PCBP3: variants seen among roughly 807,000 people sequenced by gnomAD.
The protein encoded by PCBP3 is poly(rC)-binding protein 3.
PCBP3 carries 25 observed loss-of-function variants against 52.7 expected under a neutral mutation model. The observed-to-expected ratio is 0.47, with a 90% confidence interval of 0.35 to 0.66. PCBP3 has a LOEUF of 0.66. Ranked by LOEUF, PCBP3 falls within the 30% of genes least tolerant of loss-of-function variation. The probability of loss-of-function intolerance (pLI) is 0.01; values close to 1 mark genes in which losing one functional copy is unlikely to be tolerated. For synonymous variants in PCBP3, 162 were observed against 183.0 expected (o/e 0.89, Z 0.93); for missense variants, 391 against 490.3 (o/e 0.80, Z 1.91).
At chr21:45,784,385 T>TCTACCTCTACCG (rs796425243) in intron 4 of PCBP3, among the ~76,000 whole-genome samples, 3 of 116,422 alleles carry the variant, frequency 2.6e-5, no homozygotes, top group East Asian at 2.5e-4. Flanking sequence ...TACCTCTACC[T>TCTACCTCTACCG]CTACCTCTAC....
chr21:45,863,992 A>G (rs1030898929), intron 5 of PCBP3, among the ~76,000 whole-genome samples: 8 of 152,204 alleles, frequency 5.3e-5, no homozygotes, highest in African/African-American at 1.9e-4. Context: ...CGGCTGTTCC[A>G]CTAACAGGGT....
At chr21:45,818,992 G>A (rs1199214082) in intron 4 of PCBP3, among the ~76,000 whole-genome samples, 1 of 152,250 alleles carries the variant, frequency 6.6e-6, no homozygotes, top group East Asian at 1.9e-4. Flanking sequence ...ATCAGTGGTT[G>A]CCAAGAGTTG....
chr21:45,909,255 T>C (rs1166113382), intron 9 of PCBP3, 100 bp from the exon 10 acceptor site: 1 of 1,288,590 alleles, frequency 7.8e-7, no homozygotes, highest in Non-Finnish European at 1.1e-6. Context: ...AGGGGCTCTG[T>C]GGGCTTCTGA....
Position 45,832,161 on chromosome 21 carries a change from G to T in PCBP3, c.-125-17800G>T, listed in dbSNP as rs184238817. ...CATGAGTGTTCTGGGAAAGGCATGC[G>T]CAATTCCTGGAGCTGAGGGGATTTT... is the stretch of plus-strand genomic sequence containing the variant. On this transcript the variant is annotated intron_variant, in intron 4 of 17. Transcript: ENST00000681687. Among the ~76,000 whole-genome samples, 335 of 152,276 alleles carry T rather than the reference G, an allele frequency of 2.2e-3. 1 individual carries two copies. Among genetic ancestry groups the T allele is most frequent in the Non-Finnish European group, 3.4e-3 (228 of 68,014 alleles).
At chr21:45,890,927 CTG>C (rs748154940) in intron 5 of PCBP3, among the ~76,000 whole-genome samples, 24 of 145,150 alleles carry the variant, frequency 1.7e-4, no homozygotes, top group Admixed American at 7.4e-4. Flanking sequence ...ACCTGGAACT[CTG>C]TGCACTCCTG....
At chr21:45,816,730 G>A (rs1240424845) in intron 4 of PCBP3, among the ~76,000 whole-genome samples, 1 of 146,600 alleles carries the variant, frequency 6.8e-6, no homozygotes, top group Non-Finnish European at 1.5e-5. Flanking sequence ...GACTGAGGCT[G>A]TTCTATGTTA....
At chr21:45,884,455 AAT>A (rs775687379) in intron 5 of PCBP3, among the ~76,000 whole-genome samples, 6 of 152,258 alleles carry the variant, frequency 3.9e-5, no homozygotes, top group Non-Finnish European at 7.4e-5. Flanking sequence ...TACACACACA[AAT>A]ATATATATGT....
In PCBP3 at chr21:45,839,836, G is replaced by A. The variant is rs577873508; in HGVS notation, c.-125-10125G>A. ...CGAGTAGCTGGGATTGCAGGCGCCC[G>A]CCACCACACCTGGCTAATTTTTGTA... On this transcript the variant is annotated intron_variant, in intron 4 of 17. Coordinates refer to ENST00000681687, the MANE Select transcript of PCBP3 (RefSeq NM_001384156.1). Among the ~76,000 whole-genome samples, 16 of 151,928 alleles carry A rather than the reference G, an allele frequency of 1.1e-4. No homozygotes were observed. In the South Asian group the frequency reaches 2.9e-3, roughly 28 times the overall value.
intron 2 of PCBP3, among the ~76,000 whole-genome samples, chr21:45,711,131 G>A (rs1200538406): frequency 6.6e-6 from 1 of 152,096 alleles, no homozygotes; most frequent in Admixed American, 6.6e-5. Flanking sequence ...TCCTTTTATT[G>A]GAGAATAATA....
At position 45,917,807 on chromosome 21, in the gene PCBP3, C is replaced by T. The variant is rs1019454721; in HGVS notation, c.717+178C>T. 7.6e-6 allele frequency: 5 copies of T among 657,544 alleles called. No homozygotes were observed. In the East Asian group the frequency reaches 1.4e-4, roughly 19 times the overall value. The allele number at this position is 657,544 out of a possible 1,614,324, so 40.7% of individuals were successfully genotyped here. ...CGAATAACCTTTTAACCTCTTAGCACTAATTCTGCTTGTGTTGAGGACTTG... is the reference window on the plus strand; with the variant it reads ...CGAATAACCTTTTAACCTCTTAGCATTAATTCTGCTTGTGTTGAGGACTTG... On this transcript the variant is annotated intron_variant, in intron 13 of 17. Coordinates refer to ENST00000681687, the MANE Select transcript of PCBP3 (RefSeq NM_001384156.1). This position sits in a 1 kb window ranked among gnomAD's most constrained non-coding sequence, Gnocchi z 5.3.
chr21:45,809,093 A>G (rs2092602529), intron 4 of PCBP3, among the ~76,000 whole-genome samples: 1 of 152,124 alleles, frequency 6.6e-6, no homozygotes, highest in Non-Finnish European at 1.5e-5. Flanking sequence ...AATGTAGATA[A>G]TGGGTTGATG....
intron 2 of PCBP3, among the ~76,000 whole-genome samples, chr21:45,712,550 T>G (rs1042944038): frequency 6.6e-6 from 1 of 152,212 alleles, no homozygotes; most frequent in East Asian, 1.9e-4. Context: ...CTCTTTCAAG[T>G]AAATTTTTAC....
chr21:45,709,403 T>G (rs1180832609), intron 2 of PCBP3, among the ~76,000 whole-genome samples: 3 of 152,214 alleles, frequency 2.0e-5, no homozygotes, highest in African/African-American at 7.2e-5. Flanking sequence ...GTACTTCCTG[T>G]AAACTTGGAC....
At chr21:45,912,184 C>T (rs2096409332) in intron 11 of PCBP3, among the ~76,000 whole-genome samples, 1 of 152,214 alleles carries the variant, frequency 6.6e-6, no homozygotes, top group South Asian at 2.1e-4. Context: ...GCCCATGCCC[C>T]CAGAGCCATC....
At chr21:45,721,113 T>A (rs973083709) in intron 2 of PCBP3, among the ~76,000 whole-genome samples, 10 of 152,168 alleles carry the variant, frequency 6.6e-5, no homozygotes, top group Non-Finnish European at 1.0e-4. Context: ...TTTTGCATGT[T>A]TAGAAAGTTG....
intron 4 of PCBP3, among the ~76,000 whole-genome samples, chr21:45,786,198 C>CA (rs113617029): frequency 0.013 from 1,876 of 140,548 alleles, 33 homozygotes; most frequent in African/African-American, 0.037. Flanking sequence ...TAAAAAGTTT[C>CA]AAAAAAAAAA....
At chr21:45,815,372 AGTGAGTGGTGAGTGAGTG>A (rs2092879588) in intron 4 of PCBP3, among the ~76,000 whole-genome samples, 1 of 18,440 alleles carries the variant, frequency 5.4e-5, no homozygotes, top group Non-Finnish European at 9.9e-5. Flanking sequence ...GTGAGTGATG[AGTGAGTGGTGAGTGAGTG>A]GTGAGTGGTG....
At chr21:45,896,116 G>A (rs1422354651) in intron 5 of PCBP3, 92 bp from the exon 6 acceptor site, 13 of 1,244,430 alleles carry the variant, frequency 1.0e-5, no homozygotes, top group Middle Eastern at 2.7e-4. Flanking sequence ...CCTGCCACCC[G>A]GGAGGCCGGA....
intron 2 of PCBP3, among the ~76,000 whole-genome samples, chr21:45,689,190 A>C (rs531378329): frequency 2.7e-4 from 41 of 152,270 alleles, no homozygotes; most frequent in Admixed American, 6.5e-4. Flanking sequence ...CACTGATATA[A>C]AAGATGACAA....
Sources: allele counts gnomAD v4.1 joint callset (sites outside exome capture counted in the v4.1 genomes callset), GRCh38; gene constraint gnomAD v4.1.1; non-coding constraint Gnocchi (gnomAD v3.1); transcripts MANE v1.5; gene names NCBI Gene and HGNC (gene_info 2026-07-23, HGNC 2026-07-21).